Variants in CEP57 observed in about 807,000 individuals in gnomAD.
CEP57 encodes the protein centrosomal protein 57.
In CEP57, 40 loss-of-function variants were observed where a neutral mutation model predicts 68.0. The ratio of observed to expected loss-of-function variants is 0.59; its 90% confidence interval spans 0.46 to 0.77. CEP57 has a LOEUF of 0.77. Ranked by LOEUF, CEP57 falls within the 30% of genes least tolerant of loss-of-function variation. The pLI is 0.00. For synonymous variants in CEP57, 219 were observed against 198.7 expected (o/e 1.10, Z -0.86); for missense variants, 606 against 580.7 (o/e 1.04, Z -0.45).
chr11:95,791,214 G>A (rs181444812), intron 1 of CEP57, among the ~76,000 whole-genome samples: 1 of 152,256 alleles, frequency 6.6e-6, no homozygotes, highest in East Asian at 1.9e-4. Context: ...TCCTATCCCT[G>A]CAGTGCCTCC....
At chr11:95,809,457 A>G (rs1861953772) in intron 2 of CEP57, among the ~76,000 whole-genome samples, 1 of 152,246 alleles carries the variant, frequency 6.6e-6, no homozygotes, top group Non-Finnish European at 1.5e-5. Flanking sequence ...CACTAGCAAG[A>G]CTAATAAAGA....
At chr11:95,810,725 A>C (rs554999339) in intron 2 of CEP57, among the ~76,000 whole-genome samples, 11 of 152,372 alleles carry the variant, frequency 7.2e-5, no homozygotes, top group Non-Finnish European at 1.5e-5. Context: ...AGAACATTCC[A>C]TACTCATGGA....
intron 4 of CEP57, among the ~76,000 whole-genome samples, chr11:95,815,432 T>G (rs1862260392): frequency 6.6e-6 from 1 of 152,232 alleles, no homozygotes; most frequent in Admixed American, 6.5e-5. Context: ...ATTCTCAATT[T>G]TTTTTAATTA....
At chr11:95,824,139 A>T (rs1223528088) in intron 8 of CEP57, among the ~76,000 whole-genome samples, 2 of 151,446 alleles carry the variant, frequency 1.3e-5, no homozygotes, top group African/African-American at 4.9e-5. Context: ...CCAGCTACTC[A>T]GGAGGCTGAC....
chr11:95,827,455 T>C (rs777182677), intron 8 of CEP57: 2 of 301,202 alleles, frequency 6.6e-6, no homozygotes, highest in Non-Finnish European at 1.3e-5. Flanking sequence ...AAGAATGATA[T>C]AAATGTTGCT....
At chr11:95,830,927 A>T in intron 10 of CEP57, 99 bp from the exon 11 acceptor site, 1 of 851,886 alleles carries the variant, frequency 1.2e-6, no homozygotes, top group Non-Finnish European at 2.0e-6. Flanking sequence ...TTAGCATGAG[A>T]GTTAACCAAA....
At chr11:95,809,248 CAGGAAA>C (rs1565318929) in intron 2 of CEP57, among the ~76,000 whole-genome samples, 1 of 151,970 alleles carries the variant, frequency 6.6e-6, no homozygotes, top group East Asian at 1.9e-4. Flanking sequence ...CAAGAGAAAG[CAGGAAA>C]GATCTAAAAT....
chr11:95,805,300 T>G (rs888263512), intron 2 of CEP57, among the ~76,000 whole-genome samples: 5 of 152,216 alleles, frequency 3.3e-5, no homozygotes, highest in African/African-American at 1.2e-4. Flanking sequence ...AAAGAATTGT[T>G]CCCTTTATTA....
In CEP57 at chr11:95,799,237, C is replaced by G; in HGVS notation, c.51C>G (p.Ser17Arg). The change falls in exon 2 of 11, where the codon AGC becomes AGG. Residue 17 changes from serine (S) to arginine (R), a missense_variant. By Grantham distance (110) the Ser-to-Arg change is moderately radical (BLOSUM62 -1). Transcript: ENST00000325542. Reference protein sequence around the residue: ...SAASGSHLSNSFAEPSRSNGS... With the variant: ...SAASGSHLSNRFAEPSRSNGS... ...TTTGTGTCTTTATTTTTTAGAACAGCTTTGCTGAGCCATCAAGGTCTAATG... is the reference window on the plus strand; with the variant it reads ...TTTGTGTCTTTATTTTTTAGAACAGGTTTGCTGAGCCATCAAGGTCTAATG... 1 of 1,614,002 alleles carries G rather than the reference C, an allele frequency of 6.2e-7. No homozygotes were observed. Among genetic ancestry groups the G allele is most frequent in the East Asian group, 2.2e-5 (1 of 44,864 alleles).
intron 2 of CEP57, among the ~76,000 whole-genome samples, chr11:95,808,190 C>T (rs1861894276): frequency 1.3e-5 from 2 of 152,026 alleles, no homozygotes; most frequent in Non-Finnish European, 2.9e-5. Context: ...TACCACCAGG[C>T]CTGCCTTACA....
At chr11:95,792,334 C>A (rs554780893) in intron 1 of CEP57, among the ~76,000 whole-genome samples, 1 of 152,148 alleles carries the variant, frequency 6.6e-6, no homozygotes, top group Admixed American at 6.5e-5. Context: ...AATACTCTTA[C>A]AAATGTTGAA....
chr11:95,796,166 T>C (rs571842836), intron 1 of CEP57, among the ~76,000 whole-genome samples: 2 of 152,374 alleles, frequency 1.3e-5, no homozygotes, highest in Admixed American at 6.5e-5. Flanking sequence ...GCAAGTAATA[T>C]GCATTTTTAA....
intron 2 of CEP57, among the ~76,000 whole-genome samples, chr11:95,812,329 A>AT (rs907899157): frequency 3.3e-5 from 5 of 152,090 alleles, no homozygotes; most frequent in Admixed American, 6.6e-5. Context: ...GATTGGCTAA[A>AT]TTTTTTACCA....
chr11:95,822,446 T>G, intron 7 of CEP57, 53 bp from the exon 8 acceptor site: 1 of 1,414,168 alleles, frequency 7.1e-7, no homozygotes, highest in Non-Finnish European at 1.0e-6. Flanking sequence ...GTATAGTCAG[T>G]TTTTATTATC....
intron 5 of CEP57, chr11:95,818,123 T>A (rs1046095444): frequency 1.7e-5 from 8 of 469,456 alleles, no homozygotes; most frequent in South Asian, 1.3e-4. Flanking sequence ...AAAAATTAAA[T>A]GTTTTTGGCC....
rs1271799395 is a variant in CEP57 at position 95,813,052 on chromosome 11, T to C, written c.323T>C (p.Leu108Pro). ...SRETIEYKKV[L>P]DEQIQERENS... is the part of the protein sequence containing the mutation. ...GAAACAATTGAATATAAGAAAGTAC[T>C]GGATGAACAGATACAAGAAAGGGAG... is the stretch of plus-strand genomic sequence containing the variant. The change falls in exon 3 of 11, where the codon CTG (leucine) becomes CCG (proline). Residue 108 changes from leucine to proline, a missense_variant. By Grantham distance (98) the Leu-to-Pro change is moderately conservative. Transcript: ENST00000325542. 6.2e-7 allele frequency: 1 copy of C among 1,613,788 alleles called. No homozygotes were observed. The highest frequency in any genetic ancestry group is 2.2e-5 in the East Asian group (1 of 44,862).
chr11:95,792,253 A>G (rs1284695702), intron 1 of CEP57, among the ~76,000 whole-genome samples: 2 of 152,206 alleles, frequency 1.3e-5, no homozygotes, highest in Non-Finnish European at 2.9e-5. Flanking sequence ...TTTATAGGAG[A>G]TGTGATTAAA....
At chr11:95,822,311 C>T in intron 7 of CEP57, 188 bp from the exon 8 acceptor site, 1 of 602,274 alleles carries the variant, frequency 1.7e-6, no homozygotes, top group Non-Finnish European at 2.9e-6. Context: ...TTTTTTCCCC[C>T]CAGCCTTTCC....
At chr11:95,805,892 T>C (rs1416690100) in intron 2 of CEP57, among the ~76,000 whole-genome samples, 1 of 152,184 alleles carries the variant, frequency 6.6e-6, no homozygotes, top group Admixed American at 6.5e-5. Context: ...AAGTTTTTCT[T>C]TCAATACAAA....
Sources: allele counts gnomAD v4.1 joint callset (sites outside exome capture counted in the v4.1 genomes callset), GRCh38; gene constraint gnomAD v4.1.1; transcripts MANE v1.5; gene names NCBI Gene and HGNC (gene_info 2026-07-23, HGNC 2026-07-21).